The following LRP2BP variants were observed in gnomAD, a reference collection of about 807,000 sequenced individuals.
LRP2BP encodes the protein LRP2-binding protein.
LRP2BP carries 38 observed loss-of-function variants against 45.2 expected under a neutral mutation model. The observed-to-expected ratio is 0.84, with a 90% CI of 0.65 to 1.10. The LOEUF (loss-of-function observed/expected upper bound fraction) is 1.10, where lower values mean the gene tolerates loss of function less well. Ranked by LOEUF, LRP2BP falls within the 50% of genes least tolerant of loss-of-function variation. LRP2BP has a pLI of 0.00. For synonymous variants in LRP2BP, 153 were observed against 153.9 expected (o/e 0.99, Z 0.04); for missense variants, 385 against 418.9 (o/e 0.92, Z 0.71).
chr4:185,395,552 ATAGTT>A lies in LRP2BP; in HGVS notation c.-800_-796del, dbSNP rs1286744080. The A allele has an allele frequency of 6.1e-6, 6 of 982,458 alleles. No individual in the cohort carries two copies. The highest frequency in any genetic ancestry group is 3.5e-5 in the African/African-American group (2 of 57,192). The allele number at this position is 982,458 out of a possible 1,614,324, so 60.9% of individuals were successfully genotyped here. A position where few individuals can be genotyped will look rare whatever the true frequency, so the allele number is the denominator to read the frequency against. ...TAAACATCATTAAAAGATATTGTGAATAGTTTAAATATTAAAAATGTGGAATATAA... is the reference window on the plus strand; with the variant it reads ...TAAACATCATTAAAAGATATTGTGAATAAATATTAAAAATGTGGAATATAA... On this transcript the variant is annotated 5_prime_UTR_variant, in exon 1 of 9. The change abolishes the stop of an existing upstream ORF in the 5' untranslated region. Coordinates refer to ENST00000505916, the MANE Select transcript of LRP2BP (RefSeq NM_001377440.1).
At chr4:185,367,821 TAGA>T (rs772570545) in intron 8 of LRP2BP, among the ~76,000 whole-genome samples, 2 of 152,156 alleles carry the variant, frequency 1.3e-5, no homozygotes, top group Non-Finnish European at 2.9e-5. Context: ...TCTACATATG[TAGA>T]AGTTTTCACC....
In LRP2BP at chr4:185,364,645, A is replaced by T. The variant is rs1212533036; in HGVS notation, c.*2535T>A. 6.6e-6 allele frequency: 1 copy of T among 152,014 alleles called. No individual in the cohort carries two copies. Among genetic ancestry groups the T allele is most frequent in the Non-Finnish European group, 1.5e-5 (1 of 67,920 alleles). The allele number at this position is 152,014 out of a possible 1,614,324, so 9.4% of individuals were successfully genotyped here. ...TAGTAAACCAAATGTTATCCTTAAG[A>T]TTTTTTTAGTTATAGCTTTTTTATC... On this transcript the variant is annotated 3_prime_UTR_variant, in exon 9 of 9. Coordinates refer to ENST00000505916, the MANE Select transcript of LRP2BP (RefSeq NM_001377440.1).
chr4:185,396,878 C>T, upstream of LRP2BP: 2 of 1,607,706 alleles, frequency 1.2e-6, no homozygotes, highest in Non-Finnish European at 1.7e-6. Context: ...GAGTGTCTCA[C>T]CTCTCTGCAC....
At chr4:185,391,214 G>A (rs972434344) in intron 1 of LRP2BP, among the ~76,000 whole-genome samples, 3 of 152,068 alleles carry the variant, frequency 2.0e-5, no homozygotes, top group Non-Finnish European at 4.4e-5. Context: ...GAAGAATACC[G>A]AAGAGGTGAA....
At chr4:185,381,043 G>C (rs978187755) in intron 1 of LRP2BP, among the ~76,000 whole-genome samples, 3 of 152,150 alleles carry the variant, frequency 2.0e-5, no homozygotes, top group African/African-American at 7.2e-5. Flanking sequence ...CTAGCTCTCA[G>C]ATCAAGAAAG....
intron 3 of LRP2BP, among the ~76,000 whole-genome samples, chr4:185,376,620 AT>A (rs2126807578): frequency 6.6e-6 from 1 of 152,000 alleles, no homozygotes; most frequent in African/African-American, 2.4e-5. Flanking sequence ...ATTATTAAAT[AT>A]TTTGAGCAAA....
intron 1 of LRP2BP, among the ~76,000 whole-genome samples, chr4:185,383,713 A>ACTAT (rs991992217): frequency 6.6e-6 from 1 of 152,162 alleles, no homozygotes. Context: ...ATTTGTGGTG[A>ACTAT]CTATCTGCTT....
intron 7 of LRP2BP, among the ~76,000 whole-genome samples, chr4:185,371,936 C>T (rs780434030): frequency 3.7e-4 from 57 of 152,132 alleles, no homozygotes; most frequent in Non-Finnish European, 4.3e-4. Flanking sequence ...CACCAGCACA[C>T]GCAGAGTCTG....
In LRP2BP at chr4:185,374,076, G is replaced by T. The variant is rs925773327; in HGVS notation, c.579+59C>A. ...ATTCCCCACCATTTTCTCAAAAAAAGCAGTGAAACAAATATTAATCTAAAT... is the reference window on the plus strand; with the variant it reads ...ATTCCCCACCATTTTCTCAAAAAAATCAGTGAAACAAATATTAATCTAAAT... On this transcript the variant is annotated intron_variant, in intron 6 of 8. Transcript: ENST00000505916. 43 of 1,355,560 alleles carry T rather than the reference G, an allele frequency of 3.2e-5. No homozygotes were observed. The South Asian group carries it at 4.9e-4, about 15-fold the overall frequency. 84.0% of individuals were successfully genotyped at this position (1,355,560 alleles called of 1,614,324 possible). A position where few individuals can be genotyped will look rare whatever the true frequency, so the allele number is the denominator to read the frequency against.
Position 185,367,250 on chromosome 4 carries a change from A to C in LRP2BP, c.979-5T>G. 1 of 1,611,366 alleles carries C rather than the reference A, an allele frequency of 6.2e-7. No homozygotes were observed. The highest frequency in any genetic ancestry group is 1.1e-5 in the South Asian group (1 of 90,630). On this transcript the variant is annotated splice_region_variant and splice_polypyrimidine_tract_variant and intron_variant, in intron 8 of 8. Transcript: ENST00000505916. ...TGCGGGATTCAGACGACAAGCCTTA[A>C]AATCAAAAAGAGTCAGATATTTAGA...
rs2095380340 is a variant in LRP2BP at position 185,364,703 on chromosome 4, A to T, written c.*2477T>A. On this transcript the variant is annotated 3_prime_UTR_variant, in exon 9 of 9. Transcript: ENST00000505916. Reference sequence around the variant, plus strand: ...CAAACCATGATGATATTTGACACTTAAAAAAATACCCAAAGTTGGCTATTG... The same window carrying T: ...CAAACCATGATGATATTTGACACTTTAAAAAATACCCAAAGTTGGCTATTG... The T allele has an allele frequency of 6.7e-6, 1 of 149,248 alleles. No individual in the cohort carries two copies. The highest frequency in any genetic ancestry group is 1.5e-5 in the Non-Finnish European group (1 of 65,926). 9.2% of individuals were successfully genotyped at this position (149,248 alleles called of 1,614,324 possible).
Position 185,384,600 on chromosome 4 carries a change from G to T in LRP2BP, c.-21-6393C>A, listed in dbSNP as rs73029538. On this transcript the variant is annotated intron_variant, in intron 1 of 8. Transcript: ENST00000505916. ...TATTTAAAGTTCTTTTAAAATTGAGGTTCAACACTGAAGTTCCTTTCATAC... is the reference window on the plus strand; with the variant it reads ...TATTTAAAGTTCTTTTAAAATTGAGTTTCAACACTGAAGTTCCTTTCATAC... 3.1e-3 allele frequency among the ~76,000 whole-genome samples: 474 copies of T among 150,570 alleles called. 3 individuals carry two copies. The highest frequency in any genetic ancestry group is 0.011 in the African/African-American group (459 of 40,876).
rs538173222 is a variant in LRP2BP, at chr4:185,395,907, G to C, written c.-1150C>G. ...GTTTCTAAGCAGATCCTTCTGGAAA[G>C]ACGCTTAGGGAGAGTCTAGGGAGCA... On this transcript the variant is annotated 5_prime_UTR_variant, in exon 1 of 9. Coordinates refer to ENST00000505916, the MANE Select transcript of LRP2BP (RefSeq NM_001377440.1). The C allele has an allele frequency of 1.5e-4, 143 of 985,468 alleles. No homozygotes were observed. In the African/African-American group the frequency reaches 2.0e-3, roughly 14 times the overall value. 61.0% of individuals were successfully genotyped at this position (985,468 alleles called of 1,614,324 possible).
Position 185,372,591 on chromosome 4 carries a change from TAGTGTGATCGTATCA to T in LRP2BP, c.803+250_803+264del, listed in dbSNP as rs1405646315. ...GTTCCCTTGGAAATCCCAGTGTTGCTAGTGTGATCGTATCAAGAGGTGGGGCTCTTAAGAGGCGAC... is the reference window on the plus strand; with the variant it reads ...GTTCCCTTGGAAATCCCAGTGTTGCTAGAGGTGGGGCTCTTAAGAGGCGAC... On this transcript the variant is annotated intron_variant, in intron 7 of 8. Transcript: ENST00000505916. Among the ~76,000 whole-genome samples the T allele has an allele frequency of 2.6e-5, 4 of 152,316 alleles. No homozygotes were observed. The South Asian group carries it at 8.3e-4, about 32-fold the overall frequency.
intron 7 of LRP2BP, among the ~76,000 whole-genome samples, chr4:185,371,396 G>C (rs1251625545): frequency 2.0e-5 from 3 of 152,032 alleles, no homozygotes; most frequent in Non-Finnish European, 4.4e-5. Flanking sequence ...CAAAAAATTA[G>C]CTGGGCATGG....
rs564094194 is a variant in LRP2BP at position 185,366,022 on chromosome 4, G to A, written c.*1158C>T. 1 of 152,272 alleles carries A rather than the reference G, an allele frequency of 6.6e-6. No homozygotes were observed. The highest frequency in any genetic ancestry group is 1.9e-4 in the East Asian group (1 of 5,190). The allele number at this position is 152,272 out of a possible 1,614,324, so 9.4% of individuals were successfully genotyped here. A position where few individuals can be genotyped will look rare whatever the true frequency, so the allele number is the denominator to read the frequency against. Reference sequence around the variant, plus strand: ...TTTCCCATTACTAAAAAGAAATCTTGTTTAAATCCACTGTTGGGATGGTTG... The same window carrying A: ...TTTCCCATTACTAAAAAGAAATCTTATTTAAATCCACTGTTGGGATGGTTG... On this transcript the variant is annotated 3_prime_UTR_variant, in exon 9 of 9. Transcript: ENST00000505916.
intron 1 of LRP2BP, among the ~76,000 whole-genome samples, chr4:185,385,916 G>GGGGGA (rs758927819): frequency 2.9e-5 from 4 of 137,998 alleles, no homozygotes; most frequent in Admixed American, 7.2e-5. Context: ...GGGGGGGGGG[G>GGGGGA]AGATAAAGAA....
At position 185,374,230 on chromosome 4, in the gene LRP2BP, T is replaced by C. The variant is rs187773900; in HGVS notation, c.484A>G (p.Ile162Val). 2 of 1,614,206 alleles carry C rather than the reference T, an allele frequency of 1.2e-6. No individual in the cohort carries two copies. The highest frequency in any genetic ancestry group is 3.3e-5 in the Admixed American group (2 of 60,032). Residue 162 changes from isoleucine to valine, a missense_variant, in exon 6 of 9, where the codon ATC becomes GTC. Transcript: ENST00000505916. The stretch of plus-strand genomic sequence containing the variant: ...TTGGGATTTCCATTGTCTGCTGCGA[T>C]AAGCCACAGTCTACAAGAGAAAGTG... ...SNEEAERLWL[I>V]AADNGNPKAS...
intron 4 of LRP2BP, among the ~76,000 whole-genome samples, chr4:185,375,292 A>G (rs2095429370): frequency 6.7e-6 from 1 of 148,434 alleles, no homozygotes; most frequent in African/African-American, 2.5e-5. Context: ...TCCTGTCTCT[A>G]CTAAAACTAC....
Sources: allele counts gnomAD v4.1 joint callset (sites outside exome capture counted in the v4.1 genomes callset), GRCh38; gene constraint gnomAD v4.1.1; transcripts MANE v1.5; gene names NCBI Gene and HGNC (gene_info 2026-07-23, HGNC 2026-07-21).